Variants in ZFAT observed in about 807,000 individuals in gnomAD.
ZFAT encodes zinc finger protein ZFAT.
Under a neutral mutation model 117.7 loss-of-function variants are expected in ZFAT, and 64 were observed. That is an observed-to-expected ratio of 0.54 (90% CI 0.44 to 0.67). The LOEUF is 0.67. ZFAT is among the 30% of genes least tolerant of loss of function. The pLI is 0.00. For missense variants in ZFAT, 1,433 were observed against 1,584.5 expected, an observed-to-expected ratio of 0.90 and a Z score of 1.62; for synonymous variants, 679 against 615.0, an observed-to-expected ratio of 1.10 and a Z score of -1.54.
intron 2 of ZFAT, among the ~76,000 whole-genome samples, 184 bp downstream of exon 2, chr8:134,657,377 C>T (rs960989679): frequency 1.3e-5 from 2 of 152,172 alleles, no homozygotes; most frequent in Non-Finnish European, 2.9e-5. Context: ...ATTTGCCAAC[C>T]TACAGGGGGC....
chr8:134,737,850 T>C, the ZFAT span, among the ~76,000 whole-genome samples: 14 of 152,202 alleles, frequency 9.2e-5, no homozygotes, highest in African/African-American at 3.4e-4. Context: ...ATGAGATTGG[T>C]GGGTTTTTCA....
chr8:134,831,665 C>T, the ZFAT span, among the ~76,000 whole-genome samples: 64 of 152,238 alleles, frequency 4.2e-4, no homozygotes, highest in Admixed American at 2.4e-3. Flanking sequence ...CCCCCACGCC[C>T]GGTCCCCCCA....
the ZFAT span, among the ~76,000 whole-genome samples, chr8:134,731,020 C>T: frequency 2.0e-5 from 3 of 152,096 alleles, no homozygotes; most frequent in African/African-American, 7.2e-5. Flanking sequence ...CAAGCACAAA[C>T]AGAAATAGCT....
rs138299598 is a variant in ZFAT at position 134,518,755 on chromosome 8, T to C, written c.3234+2128A>G. ...TGAATTCAATTATGCTTTCTTCTAG[T>C]ATTTGTAAAATATTACTGTTTCTAT... is the stretch of plus-strand genomic sequence containing the variant. On this transcript the variant is annotated intron_variant, in intron 13 of 15. Coordinates refer to ENST00000377838, the MANE Select transcript of ZFAT (RefSeq NM_020863.4). Among the ~76,000 whole-genome samples the C allele has an allele frequency of 1.6e-3, 242 of 152,240 alleles. 2 individuals carry two copies. The highest frequency in any genetic ancestry group is 5.6e-3 in the African/African-American group (232 of 41,582).
At chr8:134,696,598 C>A in intron 1 of ZFAT, 2 of 986,130 alleles carry the variant, frequency 2.0e-6, no homozygotes, top group Middle Eastern at 5.2e-4. Flanking sequence ...TGGCTGGCAC[C>A]ACCCACCCGC....
chr8:134,728,632 A>AC, the ZFAT span, among the ~76,000 whole-genome samples: 1 of 152,106 alleles, frequency 6.6e-6, no homozygotes, highest in Non-Finnish European at 1.5e-5. Context: ...TGCACATCCA[A>AC]CCCCAGATCC....
chr8:134,760,283 A>C, the ZFAT span, among the ~76,000 whole-genome samples: 34 of 129,230 alleles, frequency 2.6e-4, no homozygotes, highest in Middle Eastern at 4.2e-3. Context: ...GAAAAAAAAA[A>C]AAAAACAAAC....
intron 1 of ZFAT, among the ~76,000 whole-genome samples, chr8:134,692,427 G>T (rs765153410): frequency 6.6e-6 from 1 of 152,132 alleles, no homozygotes; most frequent in Non-Finnish European, 1.5e-5. Flanking sequence ...ACCTCAATGG[G>T]GCAAGTCCCT....
chr8:134,495,843 T>A (rs1818395540), intron 15 of ZFAT, among the ~76,000 whole-genome samples: 1 of 151,924 alleles, frequency 6.6e-6, no homozygotes, highest in Non-Finnish European at 1.5e-5. Flanking sequence ...AGTGGGAGGA[T>A]CGCTTGAGTA....
At chr8:134,778,867 T>G in the ZFAT span, among the ~76,000 whole-genome samples, 1 of 152,142 alleles carries the variant, frequency 6.6e-6, no homozygotes, top group Admixed American at 6.5e-5. Flanking sequence ...AATGGCTATA[T>G]TGGAGAGTCT....
the ZFAT span, among the ~76,000 whole-genome samples, chr8:134,757,754 G>A: frequency 6.6e-6 from 1 of 152,180 alleles, no homozygotes; most frequent in Non-Finnish European, 1.5e-5. Flanking sequence ...GGGGTGAATT[G>A]TAGCAGATAT....
intron 1 of ZFAT, among the ~76,000 whole-genome samples, chr8:134,658,164 C>T (rs1434293984): frequency 3.3e-5 from 5 of 152,016 alleles, no homozygotes; most frequent in Non-Finnish European, 7.4e-5. Context: ...GGTGAAATCT[C>T]GTCTCTACTA....
the ZFAT span, among the ~76,000 whole-genome samples, chr8:134,767,758 C>T: frequency 6.6e-6 from 1 of 152,140 alleles, no homozygotes; most frequent in East Asian, 1.9e-4. Context: ...TATTTTGTGC[C>T]TTTAAAATGT....
At chr8:134,816,047 T>C in the ZFAT span, among the ~76,000 whole-genome samples, 2 of 152,192 alleles carry the variant, frequency 1.3e-5, no homozygotes, top group South Asian at 2.1e-4. Flanking sequence ...ATAGTGAGTG[T>C]CAAATATTTA....
chr8:134,537,542 T>C (rs1215076434), intron 11 of ZFAT, among the ~76,000 whole-genome samples: 1 of 152,032 alleles, frequency 6.6e-6, no homozygotes, highest in African/African-American at 2.4e-5. Flanking sequence ...AAGACGAGGG[T>C]CGATACCAGC....
chr8:134,697,098 T>G (rs1833880981), intron 1 of ZFAT, among the ~76,000 whole-genome samples: 1 of 151,336 alleles, frequency 6.6e-6, no homozygotes, highest in South Asian at 2.1e-4. Context: ...TTTTGGTTTG[T>G]TTTTGGTTTG....
At chr8:134,719,419 A>C in the ZFAT span, among the ~76,000 whole-genome samples, 1 of 152,212 alleles carries the variant, frequency 6.6e-6, no homozygotes, top group East Asian at 1.9e-4. Flanking sequence ...AAGTGGTTTC[A>C]GCCCCTTTGG....
At chr8:134,535,993 C>A (rs1349905525) in intron 11 of ZFAT, among the ~76,000 whole-genome samples, 1 of 152,152 alleles carries the variant, frequency 6.6e-6, no homozygotes, top group East Asian at 1.9e-4. Context: ...AATGGTCCTG[C>A]AAACCCAGCT....
the ZFAT span, among the ~76,000 whole-genome samples, chr8:134,781,414 T>A: frequency 6.6e-6 from 1 of 152,188 alleles, no homozygotes; most frequent in Non-Finnish European, 1.5e-5. Context: ...ACTTACAGTT[T>A]ACAAAGCATT....
Sources: allele counts gnomAD v4.1 joint callset (sites outside exome capture counted in the v4.1 genomes callset), GRCh38; gene constraint gnomAD v4.1.1; transcripts MANE v1.5; gene names NCBI Gene and HGNC (gene_info 2026-07-23, HGNC 2026-07-21).